The following ABR variants were observed in gnomAD, a reference collection of about 807,000 sequenced individuals.
The protein encoded by ABR is ABR activator of RhoGEF and GTPase.
In ABR, 35 loss-of-function variants were observed where a neutral mutation model predicts 107.2. The ratio of observed to expected loss-of-function variants is 0.33; its 90% CI spans 0.25 to 0.43. The LOEUF (loss-of-function observed/expected upper bound fraction) is 0.43, where lower values mean the gene tolerates loss of function less well. ABR is among the 20% of genes least tolerant of loss of function. ABR has a pLI of 1.00. For synonymous variants in ABR, 498 were observed against 462.0 expected (o/e 1.08, Z -1.00); for missense variants, 815 against 1,115.2 (o/e 0.73, Z 3.83).
intron 16 of ABR, among the ~76,000 whole-genome samples, chr17:1,028,826 C>T (rs1439430041): frequency 6.6e-6 from 1 of 152,046 alleles, no homozygotes; most frequent in Non-Finnish European, 1.5e-5. Flanking sequence ...GCGTCTTGGA[C>T]TTGGTTGCTC....
intron 2 of ABR, among the ~76,000 whole-genome samples, chr17:1,106,104 A>G (rs1196348697): frequency 2.0e-5 from 3 of 152,200 alleles, no homozygotes; most frequent in Non-Finnish European, 2.9e-5. Flanking sequence ...TTACAGATCA[A>G]TAACTCTTCA....
Position 1,078,677 on chromosome 17 carries a change from G to C in ABR, c.700+653C>G. 2 of 900,330 alleles carry C rather than the reference G, an allele frequency of 2.2e-6. No individual in the cohort carries two copies. The highest frequency in any genetic ancestry group is 1.7e-5 in the South Asian group (1 of 59,992). 55.8% of individuals were successfully genotyped at this position (900,330 alleles called of 1,614,324 possible). A position where few individuals can be genotyped will look rare whatever the true frequency, so the allele number is the denominator to read the frequency against. ...TAGGCTGGATGCCGCCAAAACGAAG[G>C]GGGAATTCAGGTCCAGCCGCTCGCC... is the stretch of plus-strand genomic sequence containing the variant. On this transcript the variant is annotated intron_variant, in intron 6 of 22. Coordinates refer to ENST00000302538, the MANE Select transcript of ABR (RefSeq NM_021962.5). The surrounding 1 kb of genome is among the most constrained non-coding windows in gnomAD (Gnocchi z 7.5).
rs1378463203 is a variant in ABR, at chr17:1,200,125, A to G, written c.838+28668T>C. ...CTCAGATTCAACCAACCACAGATCA[A>G]AAATATTTGGGAGGAAAACAATTAA... On this transcript the variant is annotated intron_variant, in intron 1 of 22. Coordinates refer to the ABR transcript ENST00000574139. This position sits in a 1 kb window ranked among gnomAD's most constrained non-coding sequence, Gnocchi z 4.1. Among the ~76,000 whole-genome samples the G allele has an allele frequency of 1.3e-5, 2 of 152,046 alleles. No individual in the cohort carries two copies. Among genetic ancestry groups the G allele is most frequent in the Non-Finnish European group, 2.9e-5 (2 of 68,010 alleles).
intron 1 of ABR, among the ~76,000 whole-genome samples, chr17:1,185,401 TTGG>T (rs2042254392): frequency 6.6e-6 from 1 of 152,026 alleles, no homozygotes; most frequent in Non-Finnish European, 1.5e-5. Context: ...TCCCAGCACT[TTGG>T]GAGGCCGAGG....
chr17:1,101,772 C>G (rs369740698), intron 2 of ABR, among the ~76,000 whole-genome samples: 2 of 150,060 alleles, frequency 1.3e-5, no homozygotes, highest in African/African-American at 4.9e-5. Context: ...CTCGCTCTGT[C>G]GCCCAGGCTA....
chr17:1,171,222 C>T (rs1286249923), intron 1 of ABR, among the ~76,000 whole-genome samples: 1 of 152,184 alleles, frequency 6.6e-6, no homozygotes, highest in South Asian at 2.1e-4. Flanking sequence ...AATTACACGG[C>T]GTCTTTGGTC....
At chr17:1,007,122 C>T (rs2070098385) in intron 22 of ABR, 43 bp downstream of exon 22, 3 of 618,448 alleles carry the variant, frequency 4.9e-6, no homozygotes, top group East Asian at 3.0e-5. Flanking sequence ...GTCATGGGAC[C>T]GTCACCCTCC....
chr17:1,045,713 G>A (rs1394477274), intron 16 of ABR, among the ~76,000 whole-genome samples: 1 of 152,230 alleles, frequency 6.6e-6, no homozygotes, highest in Non-Finnish European at 1.5e-5. Flanking sequence ...GCTTATGTGT[G>A]TACGGCTATT....
intron 16 of ABR, among the ~76,000 whole-genome samples, chr17:1,016,308 CCAA>C (rs952050756): frequency 6.7e-6 from 1 of 149,670 alleles, no homozygotes; most frequent in African/African-American, 2.4e-5. Context: ...AACACTGACC[CCAA>C]CGTTTCTTTT....
At chr17:1,068,326 G>A (rs763875178) in intron 9 of ABR, among the ~76,000 whole-genome samples, 5 of 152,230 alleles carry the variant, frequency 3.3e-5, no homozygotes, top group Non-Finnish European at 5.9e-5. Flanking sequence ...TGAGGTGGGC[G>A]TGGGGCTTGC....
intron 16 of ABR, among the ~76,000 whole-genome samples, chr17:1,028,112 A>T (rs1013626502): frequency 6.6e-6 from 1 of 151,920 alleles, no homozygotes; most frequent in African/African-American, 2.4e-5. Context: ...CCACCCCAAG[A>T]CCGAGTCTCG....
chr17:1,006,125 G>A lies in ABR; in HGVS notation c.2535C>T (p.Phe845=), dbSNP rs978314955. The A allele has an allele frequency of 1.3e-6, 2 of 1,588,608 alleles. No individual in the cohort carries two copies. Among genetic ancestry groups the A allele is most frequent in the South Asian group, 1.1e-5 (1 of 87,052 alleles). ...LYYLQHPPIS[F]AELKRNTLYF... The stretch of plus-strand genomic sequence containing the variant: ...ACAGTGTGTTCCGCTTGAGTTCTGC[G>A]AAGGAAATGGGGGGGTGCTGCAGGT... Residue 845 remains phenylalanine, a synonymous_variant, in exon 23 of 23, where the codon TTC becomes TTT. Transcript: ENST00000302538.
At chr17:1,187,229 A>T (rs1475192849) in exon 1 of ABR, 1 of 152,376 alleles carries the variant, frequency 6.6e-6, no homozygotes, top group Non-Finnish European at 1.5e-5. Context: ...GCCTGCCATC[A>T]GTGGAGCCTC....
intron 21 of ABR, among the ~76,000 whole-genome samples, chr17:1,008,286 C>G (rs1385890793): frequency 6.6e-6 from 1 of 152,258 alleles, no homozygotes; most frequent in East Asian, 1.9e-4. Flanking sequence ...AAAAATGTTT[C>G]TGGGCTGAGA....
At chr17:1,104,989 GTTC>G (rs946473735) in intron 2 of ABR, among the ~76,000 whole-genome samples, 2 of 145,066 alleles carry the variant, frequency 1.4e-5, no homozygotes, top group Non-Finnish European at 3.0e-5. Flanking sequence ...ACTCAATATT[GTTC>G]TTTACAGTAA....
intron 1 of ABR, among the ~76,000 whole-genome samples, chr17:1,223,835 C>T (rs1488499944): frequency 2.0e-5 from 3 of 152,122 alleles, no homozygotes; most frequent in Non-Finnish European, 4.4e-5. Flanking sequence ...ATGAGAACTC[C>T]CCTCGTGATC....
chr17:1,079,461 G>T, intron 5 of ABR, 71 bp from the exon 6 acceptor site: 1 of 1,406,114 alleles, frequency 7.1e-7, no homozygotes, highest in Non-Finnish European at 9.9e-7. Context: ...TGTGAGCCTG[G>T]CAAGAAGGGG....
In ABR at chr17:1,007,321, G is replaced by A. The variant is rs1202446831; in HGVS notation, c.2343-9C>T. On this transcript the variant is annotated splice_polypyrimidine_tract_variant and intron_variant, in intron 21 of 22. Coordinates refer to ENST00000302538, the MANE Select transcript of ABR (RefSeq NM_021962.5). ...GCTCCTTCTCGGCAACCCTAAGAAG[G>A]AGAAGATGGGGAGGAAAGAAGCCCT... 1 of 1,613,914 alleles carries A rather than the reference G, an allele frequency of 6.2e-7. No individual in the cohort carries two copies. The highest frequency in any genetic ancestry group is 2.2e-5 in the East Asian group (1 of 44,870).
At chr17:1,097,716 A>G (rs1254177850) in intron 3 of ABR, among the ~76,000 whole-genome samples, 4 of 152,084 alleles carry the variant, frequency 2.6e-5, no homozygotes, top group Admixed American at 2.0e-4. Flanking sequence ...TAGCTCATTC[A>G]CCTGCTGAAA....
Sources: allele counts gnomAD v4.1 joint callset (sites outside exome capture counted in the v4.1 genomes callset), GRCh38; gene constraint gnomAD v4.1.1; non-coding constraint Gnocchi (gnomAD v3.1); transcripts MANE v1.5; gene names NCBI Gene and HGNC (gene_info 2026-07-23, HGNC 2026-07-21).